STIM2: variants seen among roughly 807,000 people sequenced by gnomAD.
STIM2 encodes stromal interaction molecule 2.
STIM2 carries 31 observed loss-of-function variants against 85.8 expected under a neutral mutation model. The observed-to-expected ratio is 0.36, with a 90% confidence interval of 0.27 to 0.49. The LOEUF (loss-of-function observed/expected upper bound fraction) is 0.49, where lower values mean the gene tolerates loss of function less well. Ranked by LOEUF, STIM2 falls within the 20% of genes least tolerant of loss-of-function variation. STIM2 has a pLI of 0.98. For missense variants in STIM2, 841 were observed against 927.6 expected (o/e 0.91, Z 1.21); for synonymous variants, 356 against 331.1 (o/e 1.08, Z -0.82).
intron 1 of STIM2, among the ~76,000 whole-genome samples, chr4:26,891,156 GT>G (rs1577419384): frequency 6.6e-6 from 1 of 152,208 alleles, no homozygotes; most frequent in Non-Finnish European, 1.5e-5. Flanking sequence ...GTGTCCAGTT[GT>G]TTGGTCAAAC....
At chr4:26,921,996 T>C (rs1724817692) in intron 2 of STIM2, among the ~76,000 whole-genome samples, 1 of 152,222 alleles carries the variant, frequency 6.6e-6, no homozygotes, top group Non-Finnish European at 1.5e-5. Flanking sequence ...ACCGACTATA[T>C]GATAATTCTA....
rs573520160 is a variant in STIM2 at position 26,938,123 on chromosome 4, T to G, written c.282+18489T>G. 8.9e-4 allele frequency among the ~76,000 whole-genome samples: 136 copies of G among 152,022 alleles called. 1 individual carries two copies. The highest frequency in any genetic ancestry group is 1.4e-3 in the Non-Finnish European group (97 of 67,954). On this transcript the variant is annotated intron_variant, in intron 2 of 11. Coordinates refer to ENST00000467087, the MANE Select transcript of STIM2 (RefSeq NM_020860.4). Reference sequence around the variant, plus strand: ...TTATATTAAAATAATGTTGACTCTTTCATTGACTTTTAGAATTTTTTTTTC... The same window carrying G: ...TTATATTAAAATAATGTTGACTCTTGCATTGACTTTTAGAATTTTTTTTTC...
At chr4:27,006,555 T>C (rs752461051) in intron 7 of STIM2, among the ~76,000 whole-genome samples, 1 of 152,238 alleles carries the variant, frequency 6.6e-6, no homozygotes, top group Non-Finnish European at 1.5e-5. Context: ...TGTGTCTTTA[T>C]ATATCTTTAG....
chr4:26,964,426 A>T (rs1015533953), intron 3 of STIM2, among the ~76,000 whole-genome samples: 5 of 152,210 alleles, frequency 3.3e-5, no homozygotes, highest in African/African-American at 1.2e-4. Flanking sequence ...AAGGCCTGGT[A>T]ATGTAGAAGA....
chr4:26,913,480 T>A (rs1724416557), intron 1 of STIM2, among the ~76,000 whole-genome samples: 1 of 152,202 alleles, frequency 6.6e-6, no homozygotes. Flanking sequence ...GTTCAATAAG[T>A]ATTTAAACAA....
chr4:26,919,492 G>C lies in STIM2; in HGVS notation c.152-12G>C. On this transcript the variant is annotated splice_polypyrimidine_tract_variant and intron_variant, in intron 1 of 11. Coordinates refer to ENST00000467087, the MANE Select transcript of STIM2 (RefSeq NM_020860.4). The stretch of plus-strand genomic sequence containing the variant: ...TATGGCAAGTTAGTAATTGCCCTTT[G>C]TTCTCTTTCAGATCCCTGCATGTCA... 1 of 1,612,680 alleles carries C rather than the reference G, an allele frequency of 6.2e-7. No individual in the cohort carries two copies. The highest frequency in any genetic ancestry group is 1.1e-5 in the South Asian group (1 of 90,964).
intron 10 of STIM2, among the ~76,000 whole-genome samples, chr4:27,014,293 A>G (rs1443630655): frequency 1.3e-5 from 2 of 151,690 alleles, no homozygotes; most frequent in Non-Finnish European, 3.0e-5. Context: ...GTTTTCTCTC[A>G]TATTATTTTA....
intron 2 of STIM2, among the ~76,000 whole-genome samples, chr4:26,944,477 C>A (rs1228009330): frequency 6.6e-6 from 1 of 152,054 alleles, no homozygotes; most frequent in Non-Finnish European, 1.5e-5. Flanking sequence ...TCTATTCCCA[C>A]CATTGGTCCA....
chr4:27,016,222 C>T (rs1001925397), intron 10 of STIM2, among the ~76,000 whole-genome samples: 1 of 152,090 alleles, frequency 6.6e-6, no homozygotes, highest in South Asian at 2.1e-4. Context: ...TATATAGTTT[C>T]ATGATGTAAA....
At chr4:26,878,559 C>CT (rs1182187469) in intron 1 of STIM2, among the ~76,000 whole-genome samples, 3 of 152,132 alleles carry the variant, frequency 2.0e-5, no homozygotes, top group Non-Finnish European at 4.4e-5. Context: ...CTCTCAGACT[C>CT]TGACTAATCC....
chr4:26,890,008 G>A (rs149472059), intron 1 of STIM2, among the ~76,000 whole-genome samples: 7 of 152,276 alleles, frequency 4.6e-5, no homozygotes, highest in African/African-American at 1.7e-4. Flanking sequence ...ATGAATTGGT[G>A]TACACGGTGG....
intron 1 of STIM2, among the ~76,000 whole-genome samples, chr4:26,870,188 A>G (rs969987146): frequency 1.1e-4 from 16 of 152,180 alleles, no homozygotes; most frequent in African/African-American, 3.9e-4. Flanking sequence ...GTTATGCAAC[A>G]TAAATAAGTT....
rs887896548 is a variant in STIM2 at position 26,874,127 on chromosome 4, G to C, written c.151+12758G>C. 28 of 541,898 alleles carry C rather than the reference G, an allele frequency of 5.2e-5. 1 individual carries two copies. The highest frequency in any genetic ancestry group is 4.4e-4 in the South Asian group (27 of 60,804). The allele number at this position is 541,898 out of a possible 1,614,324, so 33.6% of individuals were successfully genotyped here. The stretch of plus-strand genomic sequence containing the variant: ...GGAGGCTCTGCTGCCCTGGCTCTGG[G>C]GTTTCCAAGTGTTTGCAGGAGGGGT... On this transcript the variant is annotated intron_variant, in intron 1 of 11. Coordinates refer to ENST00000467087, the MANE Select transcript of STIM2 (RefSeq NM_020860.4).
At chr4:26,880,643 GTAAATATATATA>G (rs1405360128) in intron 1 of STIM2, among the ~76,000 whole-genome samples, 3 of 144,886 alleles carry the variant, frequency 2.1e-5, no homozygotes, top group South Asian at 2.1e-4. Flanking sequence ...AAATATATAT[GTAAATATATATA>G]TAAATATATA....
intron 3 of STIM2, among the ~76,000 whole-genome samples, chr4:26,960,658 C>T (rs1350053710): frequency 2.0e-5 from 3 of 152,076 alleles, no homozygotes; most frequent in Admixed American, 6.6e-5. Flanking sequence ...AAAAACTTAA[C>T]GTTTTTTAAA....
intron 2 of STIM2, among the ~76,000 whole-genome samples, chr4:26,945,194 G>A (rs1725772914): frequency 6.6e-6 from 1 of 152,148 alleles, no homozygotes; most frequent in African/African-American, 2.4e-5. Context: ...AGAACATGCA[G>A]TATTTGGTTT....
intron 1 of STIM2, among the ~76,000 whole-genome samples, chr4:26,895,074 T>C (rs1409403869): frequency 6.6e-6 from 1 of 152,226 alleles, no homozygotes; most frequent in African/African-American, 2.4e-5. Context: ...TAGCTGGGCA[T>C]GATGGCGCAC....
chr4:26,942,102 T>C (rs943835550), intron 2 of STIM2, among the ~76,000 whole-genome samples: 6 of 152,178 alleles, frequency 3.9e-5, no homozygotes, highest in Non-Finnish European at 8.8e-5. Flanking sequence ...CTGTAGATGT[T>C]ACGATTGGGG....
At chr4:26,899,358 T>C (rs886177574) in intron 1 of STIM2, among the ~76,000 whole-genome samples, 6 of 152,214 alleles carry the variant, frequency 3.9e-5, no homozygotes, top group African/African-American at 1.2e-4. Flanking sequence ...ACATTTATGT[T>C]CATGAATGAG....
Sources: gnomAD v4.1 joint callset for allele counts (sites outside exome capture counted in the v4.1 genomes callset) on GRCh38, gnomAD v4.1.1 for gene constraint, MANE v1.5 for transcripts, NCBI Gene and HGNC (gene_info 2026-07-23, HGNC 2026-07-21) for gene names.